Variants in ETV6 observed in about 807,000 individuals in gnomAD.
ETV6 encodes transcription factor ETV6.
A neutral mutation model predicts 51.1 loss-of-function variants in ETV6; 16 were observed. That is an observed-to-expected ratio of 0.31 (90% CI 0.21 to 0.48). ETV6 has a LOEUF of 0.48. ETV6 is among the 20% of genes least tolerant of loss of function. The pLI, the probability that ETV6 is intolerant of heterozygous loss-of-function variation, is 0.99. For missense variants in ETV6, 458 were observed against 594.8 expected (o/e 0.77, Z 2.39); for synonymous variants, 240 against 224.1 (o/e 1.07, Z -0.64).
intron 5 of ETV6, among the ~76,000 whole-genome samples, chr12:11,875,879 A>G (rs59176947): frequency 0.065 from 9,884 of 152,226 alleles, 1,058 homozygotes; most frequent in African/African-American, 0.23. Context: ...TCCATGCTGC[A>G]GTGGCAGAGT....
intron 2 of ETV6, among the ~76,000 whole-genome samples, chr12:11,775,703 A>T (rs552531892): frequency 6.6e-6 from 1 of 152,154 alleles, no homozygotes; most frequent in African/African-American, 2.4e-5. Flanking sequence ...CTGAGTCCAC[A>T]TTTATAAGTT....
In ETV6 at chr12:11,892,737, G is replaced by T. The variant is rs974400674; in HGVS notation, c.*1691G>T. 1 of 232,898 alleles carries T rather than the reference G, an allele frequency of 4.3e-6. No individual in the cohort carries two copies. Among genetic ancestry groups the T allele is most frequent in the Admixed American group, 5.6e-5 (1 of 17,766 alleles). 14.4% of individuals were successfully genotyped at this position (232,898 alleles called of 1,614,324 possible). A position where few individuals can be genotyped will look rare whatever the true frequency, so the allele number is the denominator to read the frequency against. On this transcript the variant is annotated 3_prime_UTR_variant, in exon 8 of 8. Transcript: ENST00000396373. The stretch of plus-strand genomic sequence containing the variant: ...CCAGGTGAAGTTACCAGACCCCTGG[G>T]CTTCTCCCCAGCTTTTTCTGAGTTG...
chr12:11,847,535 A>G (rs1946483698), intron 3 of ETV6, among the ~76,000 whole-genome samples: 1 of 152,218 alleles, frequency 6.6e-6, no homozygotes, highest in Non-Finnish European at 1.5e-5. Flanking sequence ...AAGTAGGCGG[A>G]AAACCAGGAT....
chr12:11,869,241 GAA>G lies in ETV6; in HGVS notation c.464-170_464-169del, dbSNP rs11302289. The stretch of plus-strand genomic sequence containing the variant: ...ACAGAGTGAGACTCCATCTCAAACA[GAA>G]AAAAAAAAAAAATATGCACCCTTCA... On this transcript the variant is annotated intron_variant, in intron 4 of 7. Transcript: ENST00000396373. This position sits in a 1 kb window ranked among gnomAD's most constrained non-coding sequence, Gnocchi z 5.0. 2.9e-5 allele frequency among the ~76,000 whole-genome samples: 4 copies of G among 140,284 alleles called. No individual in the cohort carries two copies. The highest frequency in any genetic ancestry group is 6.1e-5 in the Non-Finnish European group (4 of 65,176). The allele number at this position is 140,284 out of a possible 152,430, so 92.0% of individuals were successfully genotyped here. A position where few individuals can be genotyped will look rare whatever the true frequency, so the allele number is the denominator to read the frequency against.
chr12:11,876,582 GGAA>G (rs1343073339), intron 5 of ETV6, among the ~76,000 whole-genome samples: 20 of 152,162 alleles, frequency 1.3e-4, no homozygotes, highest in Admixed American at 1.0e-3. Flanking sequence ...ACTCTGCTGA[GGAA>G]GAAGATTCGT....
rs1424160112 is a variant in ETV6, at chr12:11,869,895, T to C, written c.935T>C (p.Leu312Pro). 1.2e-6 allele frequency: 2 copies of C among 1,612,628 alleles called. No homozygotes were observed. The highest frequency in any genetic ancestry group is 1.7e-6 in the Non-Finnish European group (2 of 1,180,020). The change falls in exon 5 of 8, where the codon CTG becomes CCG. Residue 312 changes from leucine (L) to proline (P), a missense_variant. By Grantham distance (98) the Leu-to-Pro change is moderately conservative (BLOSUM62 -3). Transcript: ENST00000396373. This position sits in a 1 kb window ranked among gnomAD's most constrained non-coding sequence, Gnocchi z 5.0. ...KPINLSHRED[L>P]AYMNHIMVSV... is the part of the protein sequence containing the mutation. ...ATCAACCTCTCTCATCGGGAAGACCTGGCTTACATGAACCACATCATGGTC... is the reference window on the plus strand; with the variant it reads ...ATCAACCTCTCTCATCGGGAAGACCCGGCTTACATGAACCACATCATGGTC...
Position 11,862,164 on chromosome 12 carries a change from T to C in ETV6, c.464-7260T>C, listed in dbSNP as rs1461648539. ...TTTAGCCCCTTTCATCAAATGCTTA[T>C]AAAATTCTAGGAGCTTACCTAGGGT... is the stretch of plus-strand genomic sequence containing the variant. On this transcript the variant is annotated intron_variant, in intron 4 of 7. Coordinates refer to ENST00000396373, the MANE Select transcript of ETV6 (RefSeq NM_001987.5). Among the ~76,000 whole-genome samples, 4 of 152,194 alleles carry C rather than the reference T, an allele frequency of 2.6e-5. No individual in the cohort carries two copies. The East Asian group carries it at 5.8e-4, about 22-fold the overall frequency.
At chr12:11,758,535 A>G (rs568651321) in intron 2 of ETV6, among the ~76,000 whole-genome samples, 13 of 152,316 alleles carry the variant, frequency 8.5e-5, no homozygotes, top group South Asian at 6.2e-4. Context: ...TGTGATTTCC[A>G]GGGGCTCAGT....
At chr12:11,821,076 C>G (rs1946073103) in intron 2 of ETV6, among the ~76,000 whole-genome samples, 1 of 152,062 alleles carries the variant, frequency 6.6e-6, no homozygotes, top group East Asian at 1.9e-4. Flanking sequence ...AAAGAAGAAA[C>G]AAGGGGCTGG....
chr12:11,750,162 A>T (rs1349077413), intron 1 of ETV6, among the ~76,000 whole-genome samples: 1 of 152,238 alleles, frequency 6.6e-6, no homozygotes, highest in Non-Finnish European at 1.5e-5. Context: ...GTTTCACCGT[A>T]AGGTCAGGGA....
chr12:11,806,498 A>T (rs1046064297), intron 2 of ETV6, among the ~76,000 whole-genome samples: 1 of 152,178 alleles, frequency 6.6e-6, no homozygotes, highest in African/African-American at 2.4e-5. Context: ...CACCAAGGAA[A>T]GATGGAAAGT....
chr12:11,790,376 C>T (rs1411588886), intron 2 of ETV6, among the ~76,000 whole-genome samples: 1 of 152,172 alleles, frequency 6.6e-6, no homozygotes, highest in Non-Finnish European at 1.5e-5. Context: ...GCACTGAAGG[C>T]AAGTTCTCCG....
chr12:11,770,117 C>T (rs1411484863), intron 2 of ETV6, among the ~76,000 whole-genome samples: 5 of 152,068 alleles, frequency 3.3e-5, no homozygotes, highest in African/African-American at 9.7e-5. Context: ...TCTTCATAGC[C>T]GTTGCTCTTC....
At chr12:11,728,116 C>T (rs1000182143) in intron 1 of ETV6, among the ~76,000 whole-genome samples, 4 of 152,304 alleles carry the variant, frequency 2.6e-5, no homozygotes, top group South Asian at 2.1e-4. Context: ...CACCGCTCCC[C>T]GGCCTCCCCT....
intron 1 of ETV6, among the ~76,000 whole-genome samples, chr12:11,690,943 A>G (rs911489460): frequency 5.3e-5 from 8 of 151,942 alleles, no homozygotes; most frequent in African/African-American, 1.9e-4. Flanking sequence ...ATAACCAACT[A>G]TGTAGTCACT....
chr12:11,883,514 C>T (rs1156968330), intron 5 of ETV6, among the ~76,000 whole-genome samples: 3 of 151,768 alleles, frequency 2.0e-5, no homozygotes, highest in Admixed American at 6.6e-5. Context: ...AGGCTGGTCT[C>T]AAACTCCTGG....
chr12:11,666,431 T>C (rs1327319486), intron 1 of ETV6, among the ~76,000 whole-genome samples: 3 of 152,210 alleles, frequency 2.0e-5, no homozygotes, highest in Admixed American at 1.3e-4. Context: ...CTCAAAGTTA[T>C]GTCTTACGGA....
chr12:11,750,629 CG>C (rs1270407997), intron 1 of ETV6, among the ~76,000 whole-genome samples: 12 of 152,020 alleles, frequency 7.9e-5, no homozygotes, highest in African/African-American at 2.9e-4. Context: ...ATAAAGTTAA[CG>C]GTAGATATCT....
intron 1 of ETV6, among the ~76,000 whole-genome samples, chr12:11,719,758 A>G (rs1865346400): frequency 6.6e-6 from 1 of 152,184 alleles, no homozygotes; most frequent in African/African-American, 2.4e-5. Flanking sequence ...GGGGCAAGGG[A>G]CAAGAGAGAA....
Sources: gnomAD v4.1 joint callset for allele counts (sites outside exome capture counted in the v4.1 genomes callset) on GRCh38, gnomAD v4.1.1 for gene constraint, Gnocchi (gnomAD v3.1) non-coding constraint, MANE v1.5 for transcripts, NCBI Gene and HGNC (gene_info 2026-07-23, HGNC 2026-07-21) for gene names.